PTPRK: variants seen among roughly 807,000 people sequenced by gnomAD.
PTPRK encodes protein tyrosine phosphatase receptor type K.
Under a neutral mutation model 178.0 loss-of-function variants are expected in PTPRK, and 75 were observed. The ratio of observed to expected loss-of-function variants is 0.42; its 90% CI spans 0.35 to 0.51. The LOEUF is 0.51. PTPRK is among the 20% of genes least tolerant of loss of function. The pLI is 0.02. For missense variants in PTPRK, 1,441 were observed against 1,797.8 expected, an observed-to-expected ratio of 0.80 and a Z score of 3.59; for synonymous variants, 637 against 620.6, an observed-to-expected ratio of 1.03 and a Z score of -0.39.
chr6:128,248,861 A>T (rs1401817085), intron 3 of PTPRK, among the ~76,000 whole-genome samples: 1 of 152,206 alleles, frequency 6.6e-6, no homozygotes, highest in Non-Finnish European at 1.5e-5. Context: ...CTTTTAAGGT[A>T]AGAAACACTT....
chr6:127,994,608 T>C (rs1776939372), intron 18 of PTPRK, among the ~76,000 whole-genome samples: 1 of 151,848 alleles, frequency 6.6e-6, no homozygotes, highest in Non-Finnish European at 1.5e-5. Flanking sequence ...ATAGGTAATG[T>C]AATATATTGC....
At chr6:128,122,737 A>G (rs920017087) in intron 7 of PTPRK, among the ~76,000 whole-genome samples, 1 of 152,216 alleles carries the variant, frequency 6.6e-6, no homozygotes, top group Non-Finnish European at 1.5e-5. Flanking sequence ...TGAAAATTAA[A>G]AGAGAATATA....
intron 3 of PTPRK, among the ~76,000 whole-genome samples, chr6:128,249,298 T>TAA (rs10622564): frequency 1.7e-4 from 22 of 132,842 alleles, no homozygotes; most frequent in African/African-American, 4.4e-4. Context: ...TGGTGTGATT[T>TAA]AAAAAAAAAA....
intron 7 of PTPRK, among the ~76,000 whole-genome samples, chr6:128,099,178 T>TTA (rs1174260138): frequency 0.033 from 4,850 of 146,664 alleles, 70 homozygotes; most frequent in Non-Finnish European, 0.038. Context: ...AATAATACAT[T>TTA]TATATATATA....
At chr6:128,222,437 A>G (rs1406802003) in intron 5 of PTPRK, among the ~76,000 whole-genome samples, 1 of 152,144 alleles carries the variant, frequency 6.6e-6, no homozygotes, top group Non-Finnish European at 1.5e-5. Flanking sequence ...TATCATTCCC[A>G]TCACTGGGAA....
chr6:128,418,941 G>A (rs1843142612), intron 1 of PTPRK, among the ~76,000 whole-genome samples: 1 of 152,014 alleles, frequency 6.6e-6, no homozygotes, highest in Non-Finnish European at 1.5e-5. Context: ...ACTCTATTGT[G>A]TCACCAATCC....
intron 1 of PTPRK, among the ~76,000 whole-genome samples, chr6:128,467,167 T>A (rs1273934909): frequency 1.3e-5 from 2 of 151,916 alleles, no homozygotes; most frequent in Non-Finnish European, 1.5e-5. Flanking sequence ...GCCCGGCTAA[T>A]TTTTTTGTAT....
intron 3 of PTPRK, among the ~76,000 whole-genome samples, chr6:128,272,441 A>T (rs890469357): frequency 2.0e-5 from 3 of 152,202 alleles, no homozygotes; most frequent in African/African-American, 7.2e-5. Context: ...ATGGGAAAAA[A>T]TTTTTACAAT....
At chr6:128,243,928 G>A (rs1814979237) in intron 3 of PTPRK, among the ~76,000 whole-genome samples, 1 of 152,106 alleles carries the variant, frequency 6.6e-6, no homozygotes, top group Admixed American at 6.6e-5. Flanking sequence ...AAGATGATAT[G>A]GAGAGAAAAA....
At chr6:128,127,111 A>T (rs1225095392) in intron 7 of PTPRK, among the ~76,000 whole-genome samples, 1 of 152,116 alleles carries the variant, frequency 6.6e-6, no homozygotes, top group Non-Finnish European at 1.5e-5. Context: ...GTATATGTCT[A>T]TTCTGGGTTT....
chr6:128,294,929 A>T (rs567322463), intron 3 of PTPRK, among the ~76,000 whole-genome samples: 1 of 100,610 alleles, frequency 9.9e-6, no homozygotes, highest in African/African-American at 5.1e-5. Flanking sequence ...GAAACCATAG[A>T]CTTTGAGGAA....
chr6:128,375,620 C>A (rs1836965183), intron 2 of PTPRK, among the ~76,000 whole-genome samples: 3 of 152,080 alleles, frequency 2.0e-5, no homozygotes, highest in Non-Finnish European at 4.4e-5. Context: ...ATATTCCAAG[C>A]CAACCATGCT....
chr6:127,971,907 C>G (rs138187700), intron 29 of PTPRK, among the ~76,000 whole-genome samples: 1 of 152,090 alleles, frequency 6.6e-6, no homozygotes, highest in East Asian at 1.9e-4. Flanking sequence ...GTTGCTAAGA[C>G]GATCTGAGAG....
chr6:128,220,297 AG>A (rs1319255568), intron 5 of PTPRK, among the ~76,000 whole-genome samples: 1 of 152,214 alleles, frequency 6.6e-6, no homozygotes, highest in Non-Finnish European at 1.5e-5. Context: ...AAAAGTGAAT[AG>A]GGTATAAAAA....
intron 2 of PTPRK, among the ~76,000 whole-genome samples, chr6:128,381,715 A>G (rs1009150396): frequency 2.0e-5 from 3 of 152,174 alleles, no homozygotes; most frequent in African/African-American, 7.2e-5. Flanking sequence ...TACTGATGGG[A>G]AAATGGAAGC....
intron 1 of PTPRK, among the ~76,000 whole-genome samples, chr6:128,418,330 C>A (rs944810824): frequency 7.9e-5 from 12 of 152,186 alleles, no homozygotes; most frequent in Non-Finnish European, 1.6e-4. Context: ...GGTCCCTAAC[C>A]CCCAGGTCAT....
chr6:128,212,506 G>T (rs1808390397), intron 6 of PTPRK, among the ~76,000 whole-genome samples: 1 of 151,960 alleles, frequency 6.6e-6, no homozygotes, highest in Admixed American at 6.6e-5. Context: ...AGACGGAAAT[G>T]GGTCCAAATT....
intron 1 of PTPRK, among the ~76,000 whole-genome samples, chr6:128,446,337 C>G (rs571021243): frequency 6.6e-6 from 1 of 152,274 alleles, no homozygotes. Context: ...TGAAGATAAA[C>G]TGTATTTGTA....
chr6:128,245,991 CA>C (rs1199388469), intron 3 of PTPRK, among the ~76,000 whole-genome samples: 2 of 151,810 alleles, frequency 1.3e-5, no homozygotes, highest in African/African-American at 4.8e-5. Flanking sequence ...ATACAGCTTT[CA>C]AAAAAAGTTT....
Sources: allele counts gnomAD v4.1 joint callset (sites outside exome capture counted in the v4.1 genomes callset), GRCh38; gene constraint gnomAD v4.1.1; transcripts MANE v1.5; gene names NCBI Gene and HGNC (gene_info 2026-07-23, HGNC 2026-07-21).